Variants in PIK3C2G observed in about 807,000 individuals in gnomAD.
The protein encoded by PIK3C2G is phosphatidylinositol-4-phosphate 3-kinase catalytic subunit type 2 gamma.
A neutral mutation model predicts 181.1 loss-of-function variants in PIK3C2G; 168 were observed. That is an observed-to-expected ratio of 0.93 (90% CI 0.82 to 1.05). The LOEUF is 1.05. Among genes scored for constraint, PIK3C2G ranks in the 50% least tolerant of loss-of-function variants. PIK3C2G has a pLI of 0.00. For synonymous variants in PIK3C2G, 573 were observed against 592.2 expected (o/e 0.97, Z 0.47); for missense variants, 1,869 against 1,732.8 (o/e 1.08, Z -1.40).
chr12:18,561,365 G>A (rs1945333760), intron 26 of PIK3C2G, among the ~76,000 whole-genome samples: 1 of 152,178 alleles, frequency 6.6e-6, no homozygotes, highest in African/African-American at 2.4e-5. Flanking sequence ...TCTAACCCTA[G>A]CTACTCAGGA....
chr12:18,718,788 C>T, the PIK3C2G span, among the ~76,000 whole-genome samples: 9 of 152,284 alleles, frequency 5.9e-5, no homozygotes, highest in African/African-American at 2.2e-4. Flanking sequence ...TATTATCTGT[C>T]TATCTGCTTG....
At chr12:18,487,175 C>A (rs185753226) in intron 18 of PIK3C2G, among the ~76,000 whole-genome samples, 16 of 150,336 alleles carry the variant, frequency 1.1e-4, no homozygotes, top group African/African-American at 3.7e-4. Context: ...TTATTTCACA[C>A]AAAATTTGTA....
rs367725817 is a variant in PIK3C2G at position 18,593,317 on chromosome 12, AT to A, written c.4012-1168del. On this transcript the variant is annotated intron_variant, in intron 29 of 32. Coordinates refer to ENST00000538779, the MANE Select transcript of PIK3C2G (RefSeq NM_001288772.2). Reference sequence around the variant, plus strand: ...TCAACTATGACAGAGGGAAAGACACATTTTTTTTTCCATTGTAAGCGGATGG... The same window carrying A: ...TCAACTATGACAGAGGGAAAGACACATTTTTTTTCCATTGTAAGCGGATGG... Among the ~76,000 whole-genome samples the A allele has an allele frequency of 6.1e-3, 926 of 151,442 alleles. 7 individuals are homozygous for A. The highest frequency in any genetic ancestry group is 0.021 in the African/African-American group (879 of 41,302).
chr12:18,403,490 T>A (rs190972282), intron 16 of PIK3C2G, among the ~76,000 whole-genome samples: 32 of 152,306 alleles, frequency 2.1e-4, no homozygotes, highest in Admixed American at 1.6e-3. Flanking sequence ...ACAAACAGTA[T>A]GTGCTTATTA....
Position 18,527,137 on chromosome 12 carries a change from C to G in PIK3C2G, c.3324-11019C>G, listed in dbSNP as rs2136202344. 2.6e-5 allele frequency among the ~76,000 whole-genome samples: 4 copies of G among 152,168 alleles called. 1 individual carries two copies. In the Middle Eastern group the frequency reaches 0.014, roughly 518 times the overall value. On this transcript the variant is annotated intron_variant, in intron 24 of 32. Coordinates refer to ENST00000538779, the MANE Select transcript of PIK3C2G (RefSeq NM_001288772.2). ...CAGTAAGCCAATGCCCCATTGTGAA[C>G]AAAGCAAGCATAAGATGGAAGGCAT... is the stretch of plus-strand genomic sequence containing the variant.
At chr12:18,641,660 G>C (rs940560735) in intron 32 of PIK3C2G, among the ~76,000 whole-genome samples, 1 of 149,540 alleles carries the variant, frequency 6.7e-6, no homozygotes, top group African/African-American at 2.5e-5. Flanking sequence ...CATTTATCTT[G>C]TGGATCAACA....
chr12:18,543,729 AT>A (rs1163260160), intron 25 of PIK3C2G, among the ~76,000 whole-genome samples: 1 of 151,810 alleles, frequency 6.6e-6, no homozygotes, highest in Non-Finnish European at 1.5e-5. Context: ...TGGCCTCTCT[AT>A]TTTGTTCCAT....
chr12:18,369,509 C>T (rs1453589023), intron 12 of PIK3C2G, among the ~76,000 whole-genome samples: 3 of 91,486 alleles, frequency 3.3e-5, no homozygotes, highest in East Asian at 7.4e-4. Flanking sequence ...ATATAACGAT[C>T]GTATAATTGA....
chr12:18,387,392 G>A (rs1459707231), intron 14 of PIK3C2G, among the ~76,000 whole-genome samples: 2 of 152,036 alleles, frequency 1.3e-5, no homozygotes, highest in East Asian at 1.9e-4. Context: ...CTGTCCCATC[G>A]CTTCTCTTGC....
chr12:18,327,142 T>G (rs1242580766), intron 8 of PIK3C2G, among the ~76,000 whole-genome samples: 3 of 152,096 alleles, frequency 2.0e-5, no homozygotes, highest in African/African-American at 7.2e-5. Flanking sequence ...AGCTAAATTA[T>G]TTTATAAATA....
intron 8 of PIK3C2G, among the ~76,000 whole-genome samples, chr12:18,329,095 T>C (rs1407475785): frequency 2.6e-5 from 4 of 151,882 alleles, no homozygotes; most frequent in African/African-American, 4.8e-5. Flanking sequence ...AAAGCTATCA[T>C]GTATAGAACA....
intron 18 of PIK3C2G, among the ~76,000 whole-genome samples, chr12:18,466,442 T>G (rs1937891092): frequency 6.6e-6 from 1 of 151,914 alleles, no homozygotes; most frequent in Non-Finnish European, 1.5e-5. Context: ...CTTCAGACTT[T>G]GTATTAAAGT....
chr12:18,262,434 T>C (rs1002170562), intron 1 of PIK3C2G, among the ~76,000 whole-genome samples: 1 of 152,064 alleles, frequency 6.6e-6, no homozygotes, highest in Non-Finnish European at 1.5e-5. Context: ...TTAATAATGT[T>C]ATTAAGAGCT....
the PIK3C2G span, among the ~76,000 whole-genome samples, chr12:18,709,203 G>A: frequency 6.6e-6 from 1 of 151,990 alleles, no homozygotes; most frequent in Non-Finnish European, 1.5e-5. Context: ...TATGGTATAA[G>A]ATAAGGGTCT....
chr12:18,447,251 T>C (rs1410092124), intron 18 of PIK3C2G, among the ~76,000 whole-genome samples: 2 of 152,122 alleles, frequency 1.3e-5, no homozygotes, highest in Non-Finnish European at 2.9e-5. Context: ...CCTTTTTGCT[T>C]GTGCCCAGTT....
At chr12:18,346,189 T>C (rs915640809) in intron 10 of PIK3C2G, among the ~76,000 whole-genome samples, 1 of 152,204 alleles carries the variant, frequency 6.6e-6, no homozygotes, top group African/African-American at 2.4e-5. Flanking sequence ...TTGTATATGA[T>C]TAGTGTTCAG....
Position 18,624,237 on chromosome 12 carries a change from A to G in PIK3C2G, c.4182+14608A>G, listed in dbSNP as rs12826891. 2.7e-3 allele frequency among the ~76,000 whole-genome samples: 410 copies of G among 151,856 alleles called. 1 individual carries two copies. Among genetic ancestry groups the G allele is most frequent in the Non-Finnish European group, 4.7e-3 (316 of 67,692 alleles). On this transcript the variant is annotated intron_variant, in intron 31 of 32. Coordinates refer to ENST00000538779, the MANE Select transcript of PIK3C2G (RefSeq NM_001288772.2). ...ACCAAATTTCTTGAAAGTTTTTATC[A>G]TAAAAGAATGTTGAATTTAATTAAA...
the PIK3C2G span, among the ~76,000 whole-genome samples, chr12:18,667,132 A>G: frequency 6.6e-6 from 1 of 152,216 alleles, no homozygotes; most frequent in Non-Finnish European, 1.5e-5. Flanking sequence ...ATTTCAGTAT[A>G]TTGAAAGGGG....
chr12:18,612,954 C>G (rs971358024), intron 31 of PIK3C2G, among the ~76,000 whole-genome samples: 6 of 152,100 alleles, frequency 3.9e-5, no homozygotes, highest in African/African-American at 1.4e-4. Context: ...ATGATTCACT[C>G]TAGCACACAG....
Sources: allele counts gnomAD v4.1 joint callset (sites outside exome capture counted in the v4.1 genomes callset), GRCh38; gene constraint gnomAD v4.1.1; transcripts MANE v1.5; gene names NCBI Gene and HGNC (gene_info 2026-07-23, HGNC 2026-07-21).